Variants in OSBPL8 observed in about 807,000 individuals in gnomAD.
OSBPL8 encodes oxysterol-binding protein-related protein 8.
OSBPL8 carries 59 observed loss-of-function variants against 125.5 expected under a neutral mutation model. That is an observed-to-expected ratio of 0.47 (90% CI 0.38 to 0.58). The LOEUF (loss-of-function observed/expected upper bound fraction) is 0.58. Among genes scored for constraint, OSBPL8 ranks in the 20% least tolerant of loss-of-function variants. The pLI is 0.00. For synonymous variants in OSBPL8, 330 were observed against 338.9 expected (o/e 0.97, Z 0.29); for missense variants, 758 against 1,047.8 (o/e 0.72, Z 3.82).
At chr12:76,392,891 T>G in intron 9 of OSBPL8, 139 bp from the exon 10 acceptor site, 1 of 839,572 alleles carries the variant, frequency 1.2e-6, no homozygotes, top group Non-Finnish European at 1.8e-6. Context: ...CTTGCTAGAA[T>G]TTAATGAAAT....
chr12:76,400,840 G>A (rs1954022761), intron 6 of OSBPL8, among the ~76,000 whole-genome samples: 1 of 149,436 alleles, frequency 6.7e-6, no homozygotes, highest in Non-Finnish European at 1.5e-5. Flanking sequence ...CCAGGCTGGA[G>A]TGCAGTGGCG....
intron 1 of OSBPL8, among the ~76,000 whole-genome samples, chr12:76,494,563 T>G (rs563753775): frequency 1.4e-4 from 22 of 152,282 alleles, no homozygotes; most frequent in African/African-American, 4.8e-4. Flanking sequence ...GAATTCTACA[T>G]GAATTTTGAA....
At chr12:76,358,175 CTTTTTTT>C (rs60714321) in intron 22 of OSBPL8, among the ~76,000 whole-genome samples, 13 of 100,192 alleles carry the variant, frequency 1.3e-4, no homozygotes, top group African/African-American at 4.2e-4. Context: ...GAGTGTGGTT[CTTTTTTT>C]TTTTTTTTTT....
chr12:76,470,485 G>A lies in OSBPL8; in HGVS notation c.43-10590C>T, dbSNP rs80294259. ...TGCTTCATCTTACGACCTGTTTCAC[G>A]CATTTCAATTGTCAATCTGAAATAA... On this transcript the variant is annotated intron_variant, in intron 2 of 23. Coordinates refer to ENST00000261183, the MANE Select transcript of OSBPL8 (RefSeq NM_020841.5). 1.2e-4 allele frequency among the ~76,000 whole-genome samples: 18 copies of A among 152,176 alleles called. No homozygotes were observed. The East Asian group carries it at 3.3e-3, about 28-fold the overall frequency.
At chr12:76,510,416 T>TA (rs1321079530) in intron 1 of OSBPL8, among the ~76,000 whole-genome samples, 3 of 152,106 alleles carry the variant, frequency 2.0e-5, no homozygotes, top group Non-Finnish European at 4.4e-5. Context: ...ATAAGTTCAA[T>TA]AAAAAACAAG....
In OSBPL8 at chr12:76,455,788, A is replaced by G. The variant is rs143503744; in HGVS notation, c.79+4071T>C. Reference sequence around the variant, plus strand: ...CTATTCAAACATAAGTTTAAGAGGGACAGTGACTTTTTTTCTGTATCCCTT... The same window carrying G: ...CTATTCAAACATAAGTTTAAGAGGGGCAGTGACTTTTTTTCTGTATCCCTT... On this transcript the variant is annotated intron_variant, in intron 3 of 23. Transcript: ENST00000261183. Among the ~76,000 whole-genome samples, 805 of 152,308 alleles carry G rather than the reference A, an allele frequency of 5.3e-3. 7 individuals carry two copies. The highest frequency in any genetic ancestry group is 0.019 in the African/African-American group (777 of 41,564).
chr12:76,486,047 A>T, intron 2 of OSBPL8: 1 of 433,642 alleles, frequency 2.3e-6, no homozygotes, highest in Non-Finnish European at 4.6e-6. Flanking sequence ...TCCGTTTTTC[A>T]TTTAAATCAA....
chr12:76,442,620 G>C (rs1290197911), intron 4 of OSBPL8, among the ~76,000 whole-genome samples: 2 of 151,992 alleles, frequency 1.3e-5, no homozygotes, highest in East Asian at 3.9e-4. Flanking sequence ...ATAATGGAGG[G>C]GTGGGTCTAA....
intron 3 of OSBPL8, among the ~76,000 whole-genome samples, chr12:76,458,899 T>G (rs957776905): frequency 2.0e-5 from 3 of 152,168 alleles, no homozygotes; most frequent in African/African-American, 7.2e-5. Flanking sequence ...GTAAACTGAC[T>G]TGCAATAATC....
chr12:76,522,681 C>T (rs1423018330), intron 1 of OSBPL8, among the ~76,000 whole-genome samples: 1 of 152,178 alleles, frequency 6.6e-6, no homozygotes, highest in Admixed American at 6.5e-5. Context: ...GATGTCAATG[C>T]CATGCTTCCT....
At chr12:76,364,897 C>T (rs1952357361) in intron 21 of OSBPL8, among the ~76,000 whole-genome samples, 1 of 151,678 alleles carries the variant, frequency 6.6e-6, no homozygotes, top group South Asian at 2.1e-4. Flanking sequence ...CCCATTTTTG[C>T]AAAAAAATAG....
At chr12:76,481,630 T>C (rs998695679) in intron 2 of OSBPL8, among the ~76,000 whole-genome samples, 8 of 151,998 alleles carry the variant, frequency 5.3e-5, no homozygotes, top group Admixed American at 2.0e-4. Flanking sequence ...ACCCTGTCTC[T>C]GCCAAAAATT....
intron 16 of OSBPL8, 133 bp from the exon 17 acceptor site, chr12:76,375,503 C>T: frequency 1.7e-6 from 1 of 594,094 alleles, no homozygotes; most frequent in East Asian, 2.9e-5. Context: ...AAATGAAAAA[C>T]TATAATATAG....
At position 76,355,871 on chromosome 12, in the gene OSBPL8, T is replaced by C. The variant is rs1274375549; in HGVS notation, c.*18A>G. 1.2e-6 allele frequency: 2 copies of C among 1,610,994 alleles called. No individual in the cohort carries two copies. The highest frequency in any genetic ancestry group is 1.7e-6 in the Non-Finnish European group (2 of 1,178,476). Reference sequence around the variant, plus strand: ...AAATCAGATCTTTCTAGTTCACTGATTCAATGGTAGAGAACTTCTACTTGA... The same window carrying C: ...AAATCAGATCTTTCTAGTTCACTGACTCAATGGTAGAGAACTTCTACTTGA... On this transcript the variant is annotated 3_prime_UTR_variant, in exon 24 of 24. Transcript: ENST00000261183.
intron 2 of OSBPL8, among the ~76,000 whole-genome samples, chr12:76,463,228 T>C (rs1874962469): frequency 6.6e-6 from 1 of 152,038 alleles, no homozygotes; most frequent in Admixed American, 6.6e-5. Context: ...CAAATATATT[T>C]TGAAAATAGA....
chr12:76,366,434 G>C (rs1952416931), intron 21 of OSBPL8: 4 of 278,240 alleles, frequency 1.4e-5, no homozygotes, highest in South Asian at 1.4e-4. Flanking sequence ...CTTCTTTCTT[G>C]CTTCCTTAGC....
chr12:76,469,906 G>GA (rs796337263), intron 2 of OSBPL8, among the ~76,000 whole-genome samples: 60 of 144,444 alleles, frequency 4.2e-4, no homozygotes, highest in African/African-American at 6.6e-4. Context: ...GACAAGAAAA[G>GA]AAAAAAAAAA....
At chr12:76,446,727 T>C (rs777498653) in intron 4 of OSBPL8, among the ~76,000 whole-genome samples, 8 of 152,172 alleles carry the variant, frequency 5.3e-5, no homozygotes, top group Non-Finnish European at 8.8e-5. Context: ...GTGGTTATCA[T>C]CTACCAGGTG....
Position 76,356,667 on chromosome 12 carries a change from A to G in OSBPL8, c.2496T>C (p.Ser832=). The change falls in exon 23 of 24, where the codon AGT becomes AGC. Residue 832 remains serine, a synonymous_variant. Transcript: ENST00000261183. ...GTGTTTGTTTTATAGATTCGATGGAACTCTGAATGTCTCCCAGTTCTATTC... is the reference window on the plus strand; with the variant it reads ...GTGTTTGTTTTATAGATTCGATGGAGCTCTGAATGTCTCCCAGTTCTATTC... ...KKGIELGDIQ[S]SIESIKQTQE... 6.2e-7 allele frequency: 1 copy of G among 1,610,584 alleles called. No individual in the cohort carries two copies. Among genetic ancestry groups the G allele is most frequent in the Non-Finnish European group, 8.5e-7 (1 of 1,177,846 alleles).
Sources: gnomAD v4.1 joint callset for allele counts (sites outside exome capture counted in the v4.1 genomes callset) on GRCh38, gnomAD v4.1.1 for gene constraint, MANE v1.5 for transcripts, NCBI Gene and HGNC (gene_info 2026-07-23, HGNC 2026-07-21) for gene names.